Variants in SLC22A24 observed in about 807,000 individuals in gnomAD.
SLC22A24 encodes the protein steroid transmembrane transporter SLC22A24.
A neutral mutation model predicts 49.8 loss-of-function variants in SLC22A24; 53 were observed. That is an observed-to-expected ratio of 1.06 (90% CI 0.85 to 1.34). The LOEUF (loss-of-function observed/expected upper bound fraction) is 1.34. Among genes scored for constraint, SLC22A24 ranks in the 40% most tolerant of loss-of-function variants. The pLI is 0.00. For missense variants in SLC22A24, 786 were observed against 675.9 expected, an observed-to-expected ratio of 1.16 and a Z score of -1.81; for synonymous variants, 302 against 256.4, an observed-to-expected ratio of 1.18 and a Z score of -1.70.
intron 5 of SLC22A24, among the ~76,000 whole-genome samples, chr11:63,101,465 C>T (rs1289746533): frequency 6.6e-6 from 1 of 151,718 alleles, no homozygotes; most frequent in African/African-American, 2.4e-5. Context: ...TGCTGATATT[C>T]AATTATTAAT....
intron 4 of SLC22A24, among the ~76,000 whole-genome samples, chr11:63,106,615 G>T (rs1295083231): frequency 3.3e-5 from 5 of 152,062 alleles, no homozygotes; most frequent in Admixed American, 6.5e-5. Flanking sequence ...TTTAATGATC[G>T]CCATTCTAAC....
chr11:63,109,384 A>G (rs1490547393), intron 4 of SLC22A24, among the ~76,000 whole-genome samples: 1 of 146,650 alleles, frequency 6.8e-6, no homozygotes, highest in African/African-American at 2.5e-5. Context: ...GCTGGGTCAA[A>G]TGGTATTTCT....
At chr11:63,085,769 A>G (rs1452417049) in intron 6 of SLC22A24, among the ~76,000 whole-genome samples, 1 of 152,260 alleles carries the variant, frequency 6.6e-6, no homozygotes, top group Admixed American at 6.5e-5. Context: ...AATGGTGACA[A>G]TGATGACGAT....
At chr11:63,119,969 T>C (rs1412511445) in intron 2 of SLC22A24, among the ~76,000 whole-genome samples, 1 of 151,880 alleles carries the variant, frequency 6.6e-6, no homozygotes, top group Non-Finnish European at 1.5e-5. Flanking sequence ...GATGGGGTTG[T>C]TTGTTTTTTT....
chr11:63,132,312 T>G (rs2087342493), intron 2 of SLC22A24, among the ~76,000 whole-genome samples: 1 of 152,224 alleles, frequency 6.6e-6, no homozygotes, highest in South Asian at 2.1e-4. Flanking sequence ...TTCATCCAGT[T>G]TTTTTCCCTT....
At chr11:63,134,356 C>T (rs1012655222) in intron 2 of SLC22A24, among the ~76,000 whole-genome samples, 1 of 152,198 alleles carries the variant, frequency 6.6e-6, no homozygotes, top group Admixed American at 6.5e-5. Context: ...ATTGAACTAA[C>T]TCCTACAAGT....
rs142507239 is a variant in SLC22A24 at position 63,081,113 on chromosome 11, C to A, written c.1405G>T (p.Ala469Ser). 1.4e-5 allele frequency: 21 copies of A among 1,551,490 alleles called. No individual in the cohort carries two copies. In the Admixed American group the frequency reaches 2.4e-4, roughly 17 times the overall value. ...CTACCGGACACTGCATTGATTCCTGCAACTGTTGACCTTAGAGTGCAAATA... is the reference window on the plus strand; with the variant it reads ...CTACCGGACACTGCATTGATTCCTGAAACTGTTGACCTTAGAGTGCAAATA... ...LVPTILRSTV[A>S]GINAVSGRTG... The change falls in exon 9 of 10, where the codon GCA becomes TCA. Residue 469 changes from alanine (A) to serine (S), a missense_variant. Physicochemically the swap from Ala to Ser is moderately conservative, Grantham distance 99. Coordinates refer to ENST00000612278, the MANE Select transcript of SLC22A24 (RefSeq NM_001136506.2).
intron 5 of SLC22A24, among the ~76,000 whole-genome samples, chr11:63,097,911 G>A (rs1328624959): frequency 2.0e-5 from 3 of 152,030 alleles, no homozygotes; most frequent in Non-Finnish European, 2.9e-5. Context: ...ACACACCAGG[G>A]CCTGTTGGGG....
chr11:63,138,275 G>A (rs1291716599), intron 1 of SLC22A24, among the ~76,000 whole-genome samples: 1 of 152,138 alleles, frequency 6.6e-6, no homozygotes, highest in Non-Finnish European at 1.5e-5. Flanking sequence ...CCATCCAGAG[G>A]ACAGAAATTT....
At chr11:63,099,170 T>C (rs2087074645) in intron 5 of SLC22A24, among the ~76,000 whole-genome samples, 1 of 151,930 alleles carries the variant, frequency 6.6e-6, no homozygotes, top group African/African-American at 2.4e-5. Context: ...CGCTGATGCA[T>C]GTTAACAAAT....
Position 63,080,046 on chromosome 11 carries a change from AT to A in SLC22A24, c.1599-47del, listed in dbSNP as rs2086950278. ...CAAAAACAAGATTAAGAAACAAAAA[AT>A]AAATAAGATATAGATTAAGCATATA... On this transcript the variant is annotated intron_variant, in intron 9 of 9. Transcript: ENST00000612278. 3 of 1,255,462 alleles carry A rather than the reference AT, an allele frequency of 2.4e-6. No individual in the cohort carries two copies. The African/African-American group carries it at 4.4e-5, about 18-fold the overall frequency. 77.8% of individuals were successfully genotyped at this position (1,255,462 alleles called of 1,614,324 possible). A position where few individuals can be genotyped will look rare whatever the true frequency, so the allele number is the denominator to read the frequency against.
chr11:63,130,327 C>T (rs535756877), intron 2 of SLC22A24, among the ~76,000 whole-genome samples: 1 of 151,310 alleles, frequency 6.6e-6, no homozygotes, highest in Admixed American at 6.6e-5. Flanking sequence ...GGATGAAGCC[C>T]ACTTGATTAT....
Position 63,081,665 on chromosome 11 carries a change from T to C in SLC22A24, c.1287A>G (p.Glu429=). The C allele has an allele frequency of 6.5e-7, 1 of 1,546,406 alleles. No individual in the cohort carries two copies. The highest frequency in any genetic ancestry group is 8.8e-7 in the Non-Finnish European group (1 of 1,142,188). The change falls in exon 8 of 10, where the codon GAA becomes GAG. Residue 429 remains glutamate, a splice_region_variant and synonymous_variant. Coordinates refer to ENST00000612278, the MANE Select transcript of SLC22A24 (RefSeq NM_001136506.2). Reference sequence around the variant, plus strand: ...CTAAAACCACACGCAGGATCTGCATTTCTAGAGAGAACAGTGAGAATCAGG... The same window carrying C: ...CTAAAACCACACGCAGGATCTGCATCTCTAGAGAGAACAGTGAGAATCAGG... ...FILVNTFLPQ[E]MQILRVVLAT...
Position 63,134,220 on chromosome 11 carries a change from C to G in SLC22A24, c.506+445G>C, listed in dbSNP as rs535572104. On this transcript the variant is annotated intron_variant, in intron 2 of 9. Transcript: ENST00000612278. Reference sequence around the variant, plus strand: ...TGAAATGATGGCCAGTCTAAAAGTGCCTCAATAATTTCTCTCACAGGGTCT... The same window carrying G: ...TGAAATGATGGCCAGTCTAAAAGTGGCTCAATAATTTCTCTCACAGGGTCT... Among the ~76,000 whole-genome samples, 3 of 152,026 alleles carry G rather than the reference C, an allele frequency of 2.0e-5. No individual in the cohort carries two copies. In the East Asian group the frequency reaches 5.8e-4, roughly 29 times the overall value.
rs565174946 is a variant in SLC22A24, at chr11:63,089,535, C to G, written c.1071-6078G>C. ...ACTAATGGGCAAAATAACCAGCTAGCATCATGATGATAGGATCAAATTCAC... is the reference window on the plus strand; with the variant it reads ...ACTAATGGGCAAAATAACCAGCTAGGATCATGATGATAGGATCAAATTCAC... On this transcript the variant is annotated intron_variant, in intron 6 of 9. Transcript: ENST00000612278. Among the ~76,000 whole-genome samples the G allele has an allele frequency of 1.3e-3, 193 of 152,226 alleles. 2 individuals are homozygous for G. The highest frequency in any genetic ancestry group is 4.5e-3 in the African/African-American group (188 of 41,520).
chr11:63,110,947 C>T (rs2087158877), intron 4 of SLC22A24, among the ~76,000 whole-genome samples: 1 of 151,840 alleles, frequency 6.6e-6, no homozygotes, highest in Non-Finnish European at 1.5e-5. Flanking sequence ...GGGAATGCTT[C>T]CAGTTTTTGC....
intron 4 of SLC22A24, among the ~76,000 whole-genome samples, chr11:63,113,452 G>A (rs2087189616): frequency 6.6e-6 from 1 of 151,672 alleles, no homozygotes; most frequent in Admixed American, 6.6e-5. Context: ...AGGCCCATTG[G>A]TGGCAAAATC....
At chr11:63,104,068 C>G (rs2087106156) in intron 5 of SLC22A24, 107 bp downstream of exon 5, 2 of 1,123,740 alleles carry the variant, frequency 1.8e-6, no homozygotes, top group Admixed American at 2.4e-5. Context: ...AGATGTAAGA[C>G]TCCACTCACA....
At chr11:63,124,102 A>G (rs1326739963) in intron 2 of SLC22A24, among the ~76,000 whole-genome samples, 1 of 152,172 alleles carries the variant, frequency 6.6e-6, no homozygotes, top group Non-Finnish European at 1.5e-5. Flanking sequence ...TATTATGGCC[A>G]GAGGGAACAG....
Sources: gnomAD v4.1 joint callset for allele counts (sites outside exome capture counted in the v4.1 genomes callset) on GRCh38, gnomAD v4.1.1 for gene constraint, MANE v1.5 for transcripts, NCBI Gene and HGNC (gene_info 2026-07-23, HGNC 2026-07-21) for gene names.